RIMS2: variants seen among roughly 807,000 people sequenced by gnomAD.
RIMS2 encodes the protein regulating synaptic membrane exocytosis protein 2.
RIMS2 carries 59 observed loss-of-function variants against 174.4 expected under a neutral mutation model. The observed-to-expected ratio is 0.34, with a 90% CI of 0.27 to 0.42. The LOEUF (loss-of-function observed/expected upper bound fraction) is 0.42, where lower values mean the gene tolerates loss of function less well. Ranked by LOEUF, RIMS2 falls within the 10% of genes least tolerant of loss-of-function variation. The pLI is 1.00. For missense variants in RIMS2, 1,620 were observed against 1,666.3 expected, an observed-to-expected ratio of 0.97 and a Z score of 0.48; for synonymous variants, 606 against 572.5, an observed-to-expected ratio of 1.06 and a Z score of -0.84.
At chr8:104,157,333 T>C (rs548665796) in intron 19 of RIMS2, among the ~76,000 whole-genome samples, 1 of 152,322 alleles carries the variant, frequency 6.6e-6, no homozygotes, top group East Asian at 1.9e-4. Flanking sequence ...TAAATTTGAA[T>C]TGGATTTCAT....
chr8:104,051,606 CAAAA>C (rs2096788059), intron 19 of RIMS2, among the ~76,000 whole-genome samples: 1 of 151,728 alleles, frequency 6.6e-6, no homozygotes, highest in Non-Finnish European at 1.5e-5. Flanking sequence ...GAGAAGATGT[CAAAA>C]GGAAGGAAAG....
chr8:103,870,486 A>G (rs938726309), intron 3 of RIMS2, among the ~76,000 whole-genome samples: 1 of 152,186 alleles, frequency 6.6e-6, no homozygotes, highest in African/African-American at 2.4e-5. Flanking sequence ...CATACCCATT[A>G]TAGAAATAGA....
chr8:103,983,863 A>G (rs1426698922), intron 16 of RIMS2, among the ~76,000 whole-genome samples: 3 of 152,158 alleles, frequency 2.0e-5, no homozygotes, highest in Non-Finnish European at 4.4e-5. Context: ...GTAATACCCC[A>G]CACACAGGCA....
intron 15 of RIMS2, among the ~76,000 whole-genome samples, chr8:103,961,943 G>A (rs997984267): frequency 5.3e-5 from 8 of 152,034 alleles, no homozygotes; most frequent in Admixed American, 5.2e-4. Context: ...TACTAAGGGT[G>A]AACAATATAA....
chr8:104,014,648 A>G, intron 19 of RIMS2, 33 bp downstream of exon 21: 1 of 1,322,190 alleles, frequency 7.6e-7, no homozygotes, highest in Non-Finnish European at 1.1e-6. Flanking sequence ...TCGTTTAGGA[A>G]ATACACATGG....
chr8:104,001,697 A>G (rs1360887503), intron 17 of RIMS2, among the ~76,000 whole-genome samples: 1 of 151,854 alleles, frequency 6.6e-6, no homozygotes, highest in South Asian at 2.1e-4. Flanking sequence ...CTCCATCCCA[A>G]TCCACTTTGA....
chr8:104,199,765 C>T (rs1164950495), intron 19 of RIMS2, among the ~76,000 whole-genome samples: 1 of 152,090 alleles, frequency 6.6e-6, no homozygotes, highest in East Asian at 1.9e-4. Flanking sequence ...CTTTAACAGG[C>T]TCCGTATATG....
chr8:103,669,631 G>C (rs2096720202), intron 1 of RIMS2, among the ~76,000 whole-genome samples: 1 of 152,208 alleles, frequency 6.6e-6, no homozygotes, highest in African/African-American at 2.4e-5. Context: ...AAACAAAGGG[G>C]CTACAGGCCC....
intron 3 of RIMS2, among the ~76,000 whole-genome samples, chr8:103,881,046 GA>G (rs2099164988): frequency 6.6e-6 from 1 of 151,208 alleles, no homozygotes; most frequent in East Asian, 1.9e-4. Flanking sequence ...TTTAAAGAGT[GA>G]TTTACATATT....
chr8:103,850,479 CTAAA>C (rs1207406570), intron 3 of RIMS2, among the ~76,000 whole-genome samples: 1 of 152,062 alleles, frequency 6.6e-6, no homozygotes, highest in Middle Eastern at 3.4e-3. Flanking sequence ...ACAGAGGCTG[CTAAA>C]TAAACTGTCT....
intron 1 of RIMS2, among the ~76,000 whole-genome samples, chr8:103,612,930 C>A (rs551223037): frequency 6.6e-6 from 1 of 152,208 alleles, no homozygotes; most frequent in Non-Finnish European, 1.5e-5. Flanking sequence ...CTGTGCTGAG[C>A]CACCTGGAAC....
intron 1 of RIMS2, among the ~76,000 whole-genome samples, chr8:103,522,670 C>T (rs1020171625): frequency 6.6e-6 from 1 of 152,114 alleles, no homozygotes; most frequent in Non-Finnish European, 1.5e-5. Flanking sequence ...TCCTCAGTCC[C>T]TAGTGCATTA....
intron 14 of RIMS2, among the ~76,000 whole-genome samples, chr8:103,944,422 ATTC>A (rs1203818533): frequency 1.3e-5 from 2 of 152,056 alleles, no homozygotes; most frequent in Non-Finnish European, 2.9e-5. Context: ...TTATGTACTA[ATTC>A]TTAAAGTTTA....
intron 1 of RIMS2, among the ~76,000 whole-genome samples, chr8:103,570,697 C>T (rs1223648853): frequency 2.0e-5 from 3 of 152,054 alleles, no homozygotes; most frequent in Non-Finnish European, 4.4e-5. Context: ...AATGTTTCTA[C>T]CTGCAAATCT....
chr8:103,817,225 A>G (rs1342962367), intron 3 of RIMS2, among the ~76,000 whole-genome samples: 1 of 152,192 alleles, frequency 6.6e-6, no homozygotes, highest in Non-Finnish European at 1.5e-5. Flanking sequence ...TTGCGAGTTA[A>G]AACATTTGAG....
At chr8:104,253,775 A>T (rs555955482), downstream of RIMS2, 1 of 152,330 alleles carries the variant, frequency 6.6e-6, no homozygotes, top group African/African-American at 2.4e-5. Context: ...TCATTTGTTT[A>T]AATTAAGGCC....
At chr8:104,200,923 T>A (rs7824950) in intron 19 of RIMS2, among the ~76,000 whole-genome samples, 2,825 of 152,210 alleles carry the variant, frequency 0.019, 79 homozygotes, top group African/African-American at 0.062. Context: ...AAAAACAACA[T>A]CAACAAAACC....
intron 3 of RIMS2, among the ~76,000 whole-genome samples, chr8:103,840,473 G>A (rs1188079989): frequency 6.6e-6 from 1 of 150,812 alleles, no homozygotes; most frequent in African/African-American, 2.4e-5. Flanking sequence ...ATATTTTAGA[G>A]TTTGATTATA....
intron 3 of RIMS2, among the ~76,000 whole-genome samples, chr8:103,791,993 T>C (rs542701736): frequency 1.6e-4 from 24 of 152,104 alleles, no homozygotes; most frequent in Non-Finnish European, 3.1e-4. Flanking sequence ...CACCCCACTG[T>C]CAACAAGAGA....
Sources: gnomAD v4.1 joint callset for allele counts (sites outside exome capture counted in the v4.1 genomes callset) on GRCh38, gnomAD v4.1.1 for gene constraint, MANE v1.5 for transcripts, NCBI Gene and HGNC (gene_info 2026-07-23, HGNC 2026-07-21) for gene names.